PPARGC1A: variants seen among roughly 807,000 people sequenced by gnomAD.
PPARGC1A encodes the protein PPARG coactivator 1 alpha, also known as peroxisome proliferator-activated receptor gamma coactivator 1-alpha.
In PPARGC1A, 25 loss-of-function variants were observed where a neutral mutation model predicts 88.7. That is an observed-to-expected ratio of 0.28 (90% CI 0.21 to 0.39). The LOEUF is 0.39. Ranked by LOEUF, PPARGC1A falls within the 10% of genes least tolerant of loss-of-function variation. The pLI is 1.00. For missense variants in PPARGC1A, 880 were observed against 968.7 expected, an observed-to-expected ratio of 0.91 and a Z score of 1.22; for synonymous variants, 363 against 355.6, an observed-to-expected ratio of 1.02 and a Z score of -0.24.
At chr4:23,987,249 C>T in the PPARGC1A span, among the ~76,000 whole-genome samples, 126,234 of 151,972 alleles carry the variant, frequency 0.83, 52,548 homozygotes, top group Non-Finnish European at 0.84. Flanking sequence ...ATTTCAGACA[C>T]AGATGACACA....
the PPARGC1A span, among the ~76,000 whole-genome samples, chr4:24,159,367 C>A: frequency 1.3e-5 from 2 of 151,872 alleles, no homozygotes; most frequent in African/African-American, 2.4e-5. Context: ...TGCACCACCA[C>A]CCCTGACTAA....
chr4:24,228,351 A>T, the PPARGC1A span, among the ~76,000 whole-genome samples: 2 of 152,172 alleles, frequency 1.3e-5, no homozygotes, highest in South Asian at 4.1e-4. Flanking sequence ...AACAACATGG[A>T]TGCAGCTGGA....
chr4:24,297,998 G>A, the PPARGC1A span, among the ~76,000 whole-genome samples: 3 of 152,072 alleles, frequency 2.0e-5, no homozygotes, highest in Non-Finnish European at 4.4e-5. Flanking sequence ...GAAAGAACAG[G>A]AACCATAGTA....
intron 2 of PPARGC1A, among the ~76,000 whole-genome samples, chr4:23,842,447 T>C (rs1420191762): frequency 1.3e-5 from 2 of 152,124 alleles, no homozygotes; most frequent in Non-Finnish European, 2.9e-5. Context: ...AAGTTTCCAA[T>C]CTTTTATCAG....
At chr4:23,883,113 T>C (rs1489859165) in intron 2 of PPARGC1A, 1 of 152,152 alleles carries the variant, frequency 6.6e-6, no homozygotes, top group Non-Finnish European at 1.5e-5. Flanking sequence ...AATGTTCAAT[T>C]TACCAGTTCT....
chr4:24,424,051 A>G, the PPARGC1A span, among the ~76,000 whole-genome samples: 1 of 152,188 alleles, frequency 6.6e-6, no homozygotes, highest in Non-Finnish European at 1.5e-5. Context: ...TTGAGAAGAA[A>G]TGGAAAACTT....
intron 10 of PPARGC1A, among the ~76,000 whole-genome samples, chr4:23,805,980 C>T (rs989531053): frequency 3.3e-5 from 5 of 151,996 alleles, no homozygotes; most frequent in South Asian, 2.1e-4. Flanking sequence ...TATGCAACAA[C>T]GATCCCATAC....
chr4:23,871,097 C>T (rs530561407), intron 2 of PPARGC1A, among the ~76,000 whole-genome samples: 1 of 152,292 alleles, frequency 6.6e-6, no homozygotes, highest in East Asian at 1.9e-4. Flanking sequence ...GGTCCCCAGA[C>T]TTAGTTATCT....
At chr4:24,147,311 C>A in the PPARGC1A span, among the ~76,000 whole-genome samples, 2 of 152,262 alleles carry the variant, frequency 1.3e-5, no homozygotes, top group South Asian at 2.1e-4. Context: ...TCAGTGAGAC[C>A]GGGGATCCAT....
the PPARGC1A span, among the ~76,000 whole-genome samples, chr4:24,049,302 A>G: frequency 1.4e-3 from 63 of 46,048 alleles, no homozygotes; most frequent in Middle Eastern, 0.013. Flanking sequence ...GTATATATAT[A>G]TGTGTGTATA....
At chr4:24,041,301 G>A in the PPARGC1A span, among the ~76,000 whole-genome samples, 1 of 152,148 alleles carries the variant, frequency 6.6e-6, no homozygotes, top group Non-Finnish European at 1.5e-5. Flanking sequence ...TCCCTGCTGG[G>A]CACAGTTTAG....
the PPARGC1A span, among the ~76,000 whole-genome samples, chr4:24,111,124 A>C: frequency 6.6e-6 from 1 of 152,174 alleles, no homozygotes; most frequent in Admixed American, 6.5e-5. Flanking sequence ...GATTATTGCA[A>C]ACGTTACTTA....
chr4:24,371,445 A>C, the PPARGC1A span, among the ~76,000 whole-genome samples: 3 of 152,070 alleles, frequency 2.0e-5, no homozygotes, highest in Admixed American at 2.0e-4. Flanking sequence ...AGCTTTGCAA[A>C]AGGTCTGAGT....
rs758963611 is a variant in PPARGC1A, at chr4:23,814,573, C to T, written c.910G>A (p.Ala304Thr). Residue 304 changes from alanine to threonine, a missense_variant, in exon 8 of 13, where the codon GCC becomes ACC. By Grantham distance (58) the Ala-to-Thr change is moderately conservative. Coordinates refer to ENST00000264867, the MANE Select transcript of PPARGC1A (RefSeq NM_013261.5). ...GCCCTAAAAGGGTTATCTTGGTTGG[C>T]TTTATGAGGAGGAGTGGTGGGTGGA... is the stretch of plus-strand genomic sequence containing the variant. ...LTPPTTPPHK[A>T]NQDNPFRASP... 5.0e-6 allele frequency: 8 copies of T among 1,597,072 alleles called. No homozygotes were observed.
chr4:23,946,888 T>C, the PPARGC1A span, among the ~76,000 whole-genome samples: 1 of 152,098 alleles, frequency 6.6e-6, no homozygotes, highest in African/African-American at 2.4e-5. Context: ...AAAGATGGTA[T>C]TTTTTAATAT....
At chr4:24,314,496 C>A in the PPARGC1A span, among the ~76,000 whole-genome samples, 1 of 152,164 alleles carries the variant, frequency 6.6e-6, no homozygotes, top group Admixed American at 6.6e-5. Context: ...TTAGCCAGCC[C>A]CTTGCTCTTG....
chr4:23,850,030 TAGA>T (rs1322566154), intron 2 of PPARGC1A, among the ~76,000 whole-genome samples: 1 of 152,116 alleles, frequency 6.6e-6, no homozygotes, highest in African/African-American at 2.4e-5. Flanking sequence ...AACAGGGAGT[TAGA>T]AGGAGAATGG....
At chr4:24,230,885 T>G in the PPARGC1A span, among the ~76,000 whole-genome samples, 1 of 151,402 alleles carries the variant, frequency 6.6e-6, no homozygotes, top group South Asian at 2.1e-4. Context: ...ACCTGGGAGT[T>G]GTTGACTAAG....
At chr4:24,217,628 C>A in the PPARGC1A span, among the ~76,000 whole-genome samples, 1 of 152,090 alleles carries the variant, frequency 6.6e-6, no homozygotes, top group Non-Finnish European at 1.5e-5. Context: ...CATGGTGAAA[C>A]CTCATCTCTC....
Sources: gnomAD v4.1 joint callset for allele counts (sites outside exome capture counted in the v4.1 genomes callset) on GRCh38, gnomAD v4.1.1 for gene constraint, MANE v1.5 for transcripts, NCBI Gene and HGNC (gene_info 2026-07-23, HGNC 2026-07-21) for gene names.